PHF21A: variants seen among roughly 807,000 people sequenced by gnomAD.
The protein encoded by PHF21A is BHC80a.
PHF21A carries 11 observed loss-of-function variants against 82.5 expected under a neutral mutation model. The observed-to-expected ratio is 0.13, with a 90% CI of 0.08 to 0.22. PHF21A has a LOEUF of 0.22. Ranked by LOEUF, PHF21A falls within the 10% of genes least tolerant of loss-of-function variation. PHF21A has a pLI of 1.00. For missense variants in PHF21A, 579 were observed against 837.8 expected (o/e 0.69, Z 3.81); for synonymous variants, 297 against 302.8 (o/e 0.98, Z 0.20).
chr11:46,117,772 C>T (rs1314726676), intron 1 of PHF21A: 2 of 152,206 alleles, frequency 1.3e-5, no homozygotes, highest in Non-Finnish European at 2.9e-5. Flanking sequence ...GACTAATTCC[C>T]CTTCCAAATA....
At chr11:46,063,391 T>C (rs2096559120) in intron 6 of PHF21A, among the ~76,000 whole-genome samples, 1 of 152,198 alleles carries the variant, frequency 6.6e-6, no homozygotes, top group South Asian at 2.1e-4. Flanking sequence ...AATAACCAGA[T>C]AGTAACTACT....
At position 46,049,219 on chromosome 11, in the gene PHF21A, A is replaced by G. The variant is rs147642157; in HGVS notation, c.153+27535T>C. ...AACTAATGTTGTTCCCATCTCTAAG[A>G]GAAAGTAATACAGAACTGTCAGAGC... is the stretch of plus-strand genomic sequence containing the variant. On this transcript the variant is annotated intron_variant, in intron 6 of 18. Coordinates refer to ENST00000676320, the MANE Select transcript of PHF21A (RefSeq NM_001352027.3). 1.6e-3 allele frequency among the ~76,000 whole-genome samples: 245 copies of G among 152,326 alleles called. 1 individual carries two copies. Among genetic ancestry groups the G allele is most frequent in the African/African-American group, 5.6e-3 (232 of 41,580 alleles).
chr11:45,933,880 C>A lies in PHF21A; in HGVS notation c.*88G>T. ...AAGAACCAAAAGAATTCTGCACTTT[C>A]CAGAAATCCGGCTTTGCTTTTCTAG... On this transcript the variant is annotated 3_prime_UTR_variant, in exon 19 of 19. Coordinates refer to ENST00000676320, the MANE Select transcript of PHF21A (RefSeq NM_001352027.3). 1.3e-5 allele frequency: 17 copies of A among 1,306,250 alleles called. No homozygotes were observed. Among genetic ancestry groups the A allele is most frequent in the African/African-American group, 3.0e-5 (2 of 66,852 alleles). The allele number at this position is 1,306,250 out of a possible 1,614,324, so 80.9% of individuals were successfully genotyped here.
chr11:45,968,904 C>T (rs1398965012), intron 9 of PHF21A, among the ~76,000 whole-genome samples: 9 of 138,814 alleles, frequency 6.5e-5, no homozygotes, highest in African/African-American at 2.2e-4. Context: ...GCACTCCAGC[C>T]TGTGCGATGG....
At chr11:46,017,010 A>G (rs61882535) in intron 6 of PHF21A, among the ~76,000 whole-genome samples, 19,383 of 151,524 alleles carry the variant, frequency 0.13, 1,581 homozygotes, top group African/African-American at 0.24. Flanking sequence ...TCACTCTGTC[A>G]CCCAGGCTGG....
At chr11:46,041,667 A>G (rs1268783096) in intron 6 of PHF21A, among the ~76,000 whole-genome samples, 1 of 152,206 alleles carries the variant, frequency 6.6e-6, no homozygotes, top group Non-Finnish European at 1.5e-5. Context: ...ATTTAAAACA[A>G]AGAAAACATT....
chr11:45,968,521 C>A (rs1486056735), intron 9 of PHF21A, among the ~76,000 whole-genome samples: 1 of 152,222 alleles, frequency 6.6e-6, no homozygotes, highest in Non-Finnish European at 1.5e-5. Flanking sequence ...CTGCCTGGGA[C>A]ATTTTTATTC....
At chr11:45,971,446 G>A (rs1359211617) in intron 7 of PHF21A, 79 bp from the exon 8 acceptor site, 1 of 1,268,130 alleles carries the variant, frequency 7.9e-7, no homozygotes, top group Non-Finnish European at 1.1e-6. Flanking sequence ...ACAATATGCT[G>A]CTTAACCTTG....
At chr11:46,112,781 T>C (rs2097233211) in intron 1 of PHF21A, among the ~76,000 whole-genome samples, 1 of 152,134 alleles carries the variant, frequency 6.6e-6, no homozygotes, top group East Asian at 1.9e-4. Context: ...AGCATATATA[T>C]CAGGCTTGAT....
At chr11:46,024,404 C>A (rs1336620080) in intron 6 of PHF21A, among the ~76,000 whole-genome samples, 6 of 152,074 alleles carry the variant, frequency 3.9e-5, no homozygotes, top group African/African-American at 1.5e-4. Flanking sequence ...TCCATTAAAA[C>A]AATGCTTTTA....
intron 3 of PHF21A, among the ~76,000 whole-genome samples, chr11:46,088,824 C>G (rs557400162): frequency 2.2e-4 from 34 of 152,236 alleles, no homozygotes; most frequent in African/African-American, 7.9e-4. Context: ...CTCAAATTCT[C>G]TAAGGAGGTT....
intron 1 of PHF21A, among the ~76,000 whole-genome samples, chr11:46,115,753 A>C (rs923716984): frequency 3.9e-5 from 6 of 152,196 alleles, no homozygotes; most frequent in Admixed American, 3.3e-4. Context: ...CAGAGACCTA[A>C]AACTTTAATT....
At chr11:46,120,016 C>A (rs1375478965) in intron 1 of PHF21A, among the ~76,000 whole-genome samples, 1 of 147,486 alleles carries the variant, frequency 6.8e-6, no homozygotes, top group Non-Finnish European at 1.5e-5. Flanking sequence ...AGGGCCGGCC[C>A]CGGGGTGAGG....
Position 45,937,766 on chromosome 11 carries a change from T to C in PHF21A, c.1608+391A>G, listed in dbSNP as rs149472218. ...AAAGTGCTGAGATTACAGGCCTGAG[T>C]CACCACGCCTGGCCCAGGGTGTTAT... On this transcript the variant is annotated intron_variant, in intron 16 of 18. Transcript: ENST00000676320. Among the ~76,000 whole-genome samples the C allele has an allele frequency of 1.8e-3, 274 of 152,268 alleles. 12 individuals carry two copies. In the East Asian group the frequency reaches 0.043, roughly 24 times the overall value.
chr11:46,102,050 G>T (rs1257613887), intron 1 of PHF21A, among the ~76,000 whole-genome samples: 2 of 151,986 alleles, frequency 1.3e-5, no homozygotes, highest in African/African-American at 4.8e-5. Flanking sequence ...TAGAGACAGG[G>T]TTTCATCATG....
At chr11:46,112,641 A>T (rs2097230832) in intron 1 of PHF21A, among the ~76,000 whole-genome samples, 1 of 152,252 alleles carries the variant, frequency 6.6e-6, no homozygotes. Flanking sequence ...TTCCAGTTAA[A>T]GCGTACAGAT....
chr11:46,085,196 T>G (rs1247856350), intron 3 of PHF21A, among the ~76,000 whole-genome samples: 2 of 152,340 alleles, frequency 1.3e-5, no homozygotes, highest in Non-Finnish European at 2.9e-5. Context: ...AACTGTACTA[T>G]CCACGAACTT....
chr11:46,067,389 T>A (rs139097770), intron 6 of PHF21A, among the ~76,000 whole-genome samples: 2 of 152,328 alleles, frequency 1.3e-5, no homozygotes, highest in East Asian at 3.9e-4. Context: ...CGTAGTAACA[T>A]TGCAGAAGAG....
At position 45,969,907 on chromosome 11, in the gene PHF21A, A is replaced by G. The variant is rs759481559; in HGVS notation, c.613-3T>C. ...TGAGGAGGTGTTGCCTGAACCTGCT[A>G]AAAAATGAGGAAGATAAATAAACCA... On this transcript the variant is annotated splice_polypyrimidine_tract_variant and splice_region_variant and intron_variant, in intron 8 of 18. Coordinates refer to ENST00000676320, the MANE Select transcript of PHF21A (RefSeq NM_001352027.3). 5 of 1,601,510 alleles carry G rather than the reference A, an allele frequency of 3.1e-6. No homozygotes were observed. Among genetic ancestry groups the G allele is most frequent in the Non-Finnish European group, 4.3e-6 (5 of 1,169,336 alleles).
Sources: gnomAD v4.1 joint callset for allele counts (sites outside exome capture counted in the v4.1 genomes callset) on GRCh38, gnomAD v4.1.1 for gene constraint, MANE v1.5 for transcripts, NCBI Gene and HGNC (gene_info 2026-07-23, HGNC 2026-07-21) for gene names.